PDE8A: variants seen among roughly 807,000 people sequenced by gnomAD.
PDE8A encodes the protein phosphodiesterase 8A.
Under a neutral mutation model 105.0 loss-of-function variants are expected in PDE8A, and 59 were observed. The ratio of observed to expected loss-of-function variants is 0.56; its 90% CI spans 0.46 to 0.70. PDE8A has a LOEUF of 0.70. Among genes scored for constraint, PDE8A ranks in the 30% least tolerant of loss-of-function variants. The probability of loss-of-function intolerance (pLI) is 0.00; values close to 1 mark genes in which losing one functional copy is unlikely to be tolerated. For missense variants in PDE8A, 1,014 were observed against 1,045.9 expected (o/e 0.97, Z 0.42); for synonymous variants, 355 against 371.9 (o/e 0.95, Z 0.52).
chr15:85,001,435 A>C (rs1046903022), intron 1 of PDE8A, among the ~76,000 whole-genome samples: 1 of 152,238 alleles, frequency 6.6e-6, no homozygotes, highest in Admixed American at 6.5e-5. Flanking sequence ...AAAGTCATGC[A>C]TGCTCAGAGG....
At chr15:84,991,549 G>A (rs1001899239) in intron 1 of PDE8A, among the ~76,000 whole-genome samples, 1 of 152,186 alleles carries the variant, frequency 6.6e-6, no homozygotes, top group Non-Finnish European at 1.5e-5. Flanking sequence ...CATTGTCATT[G>A]CCAGGTAGAG....
In PDE8A at chr15:85,047,167, C is replaced by T. The variant is rs1486020691; in HGVS notation, c.187-17203C>T. Among the ~76,000 whole-genome samples, 5 of 151,938 alleles carry T rather than the reference C, an allele frequency of 3.3e-5. No individual in the cohort carries two copies. The East Asian group carries it at 5.8e-4, about 18-fold the overall frequency. On this transcript the variant is annotated intron_variant, in intron 1 of 21. Transcript: ENST00000394553. ...TTAAATTTATTTGAAATGATTATTC[C>T]CTTGTAAATATTAATGTGAAAAATA...
chr15:85,086,509 GA>G (rs1490633937), intron 6 of PDE8A, among the ~76,000 whole-genome samples: 1 of 152,060 alleles, frequency 6.6e-6, no homozygotes, highest in Non-Finnish European at 1.5e-5. Flanking sequence ...TTAAAAATTA[GA>G]AAAATATTAA....
chr15:85,126,013 A>C (rs2082252773), intron 19 of PDE8A, among the ~76,000 whole-genome samples, 194 bp from the exon 20 acceptor site: 1 of 152,038 alleles, frequency 6.6e-6, no homozygotes, highest in Admixed American at 6.6e-5. Flanking sequence ...TTGCAATCTC[A>C]CTGAGCCTCG....
At chr15:85,090,641 G>T in intron 7 of PDE8A, 1 of 340,990 alleles carries the variant, frequency 2.9e-6, no homozygotes, top group South Asian at 2.2e-5. Flanking sequence ...TGTGGAGGGG[G>T]AGGACAGCCT....
Position 84,982,131 on chromosome 15 carries a change from C to CCCGCCAGCGTGTCCGCGGCGCCG in PDE8A, c.-23_-1dup. 11 of 1,280,484 alleles carry CCCGCCAGCGTGTCCGCGGCGCCG rather than the reference C, an allele frequency of 8.6e-6. No individual in the cohort carries two copies. The highest frequency in any genetic ancestry group is 1.1e-5 in the Non-Finnish European group (11 of 1,015,528). 79.3% of individuals were successfully genotyped at this position (1,280,484 alleles called of 1,614,324 possible). A position where few individuals can be genotyped will look rare whatever the true frequency, so the allele number is the denominator to read the frequency against. ...CCGTTTGCTGACCGGATCGCGGCTA[C>CCCGCCAGCGTGTCCGCGGCGCCG]CCGCCAGCGTGTCCGCGGCGCCGCC... On this transcript the variant is annotated 5_prime_UTR_variant, in exon 1 of 22. Transcript: ENST00000394553.
chr15:85,065,478 A>G (rs1043752822), intron 2 of PDE8A, among the ~76,000 whole-genome samples: 1 of 133,784 alleles, frequency 7.5e-6, no homozygotes, highest in Non-Finnish European at 1.6e-5. Flanking sequence ...AACTTAAAGT[A>G]TAATTAAAAA....
intron 19 of PDE8A, among the ~76,000 whole-genome samples, chr15:85,124,502 G>T (rs192468238): frequency 7.2e-5 from 11 of 152,158 alleles, no homozygotes; most frequent in African/African-American, 2.6e-4. Context: ...ACTTATCCTC[G>T]CAGGCTAGGA....
At chr15:85,117,911 T>C (rs559070139) in intron 17 of PDE8A, 72 bp downstream of exon 17, 2 of 1,182,816 alleles carry the variant, frequency 1.7e-6, no homozygotes, top group South Asian at 2.4e-5. Context: ...CTGCCTCCAC[T>C]AAGATACATA....
chr15:85,083,846 C>T (rs1024963127), intron 6 of PDE8A, among the ~76,000 whole-genome samples: 39 of 152,302 alleles, frequency 2.6e-4, no homozygotes, highest in African/African-American at 8.9e-4. Flanking sequence ...TAGAGACTCA[C>T]ATTTAAAGAT....
chr15:85,129,463 G>C (rs73452388), intron 20 of PDE8A, among the ~76,000 whole-genome samples: 13,428 of 152,148 alleles, frequency 0.088, 1,638 homozygotes, highest in African/African-American at 0.28. Flanking sequence ...AGTCCTGGTA[G>C]GTTGCATGTT....
chr15:85,060,694 A>T (rs990388697), intron 1 of PDE8A, among the ~76,000 whole-genome samples: 12 of 152,234 alleles, frequency 7.9e-5, no homozygotes, highest in African/African-American at 2.9e-4. Context: ...TCTCTTATTT[A>T]GGAAATAAAA....
Position 85,116,026 on chromosome 15 carries a change from TTGA to T in PDE8A, c.1448_1450del (p.Asp483del). Reference sequence around the variant, plus strand: ...AGCAATATAATCACTCCCATCTCCCTTGATGATGTCCCACCACGGATAGCTCGG... The same window carrying T: ...AGCAATATAATCACTCCCATCTCCCTTGATGTCCCACCACGGATAGCTCGG... On this transcript the variant is annotated inframe_deletion, in exon 16 of 22. Transcript: ENST00000394553. 3 of 1,613,384 alleles carry T rather than the reference TTGA, an allele frequency of 1.9e-6. No homozygotes were observed. Among genetic ancestry groups the T allele is most frequent in the South Asian group, 1.1e-5 (1 of 91,070 alleles).
At chr15:85,042,712 C>G (rs2080829428) in intron 1 of PDE8A, among the ~76,000 whole-genome samples, 1 of 152,172 alleles carries the variant, frequency 6.6e-6, no homozygotes, top group Admixed American at 6.5e-5. Context: ...TGTGCATCCA[C>G]TTCCAGTAGT....
At chr15:85,107,246 C>T (rs35204319) in intron 11 of PDE8A, among the ~76,000 whole-genome samples, 21,300 of 152,022 alleles carry the variant, frequency 0.14, 1,913 homozygotes, top group Middle Eastern at 0.24. Flanking sequence ...GTTTGGGAGG[C>T]AAATTAACAA....
intron 1 of PDE8A, among the ~76,000 whole-genome samples, chr15:85,042,390 C>A (rs55728176): frequency 6.6e-6 from 1 of 152,032 alleles, no homozygotes; most frequent in South Asian, 2.1e-4. Context: ...AACTCCTGGG[C>A]TCAAGTGATG....
chr15:85,071,965 G>A (rs2081317575), intron 3 of PDE8A, among the ~76,000 whole-genome samples: 1 of 152,180 alleles, frequency 6.6e-6, no homozygotes, highest in South Asian at 2.1e-4. Context: ...TGCAACAGGA[G>A]TAGGTCTCTG....
At chr15:85,054,297 C>G (rs1331790045) in intron 1 of PDE8A, among the ~76,000 whole-genome samples, 1 of 152,154 alleles carries the variant, frequency 6.6e-6, no homozygotes, top group Non-Finnish European at 1.5e-5. Context: ...TGTTGTGTCT[C>G]TGCCAGGCTT....
intron 1 of PDE8A, among the ~76,000 whole-genome samples, chr15:85,006,903 C>T (rs2080157063): frequency 6.6e-6 from 1 of 152,068 alleles, no homozygotes. Context: ...CTAGTCCCTA[C>T]GAAGAGGAGA....
Sources: allele counts gnomAD v4.1 joint callset (sites outside exome capture counted in the v4.1 genomes callset), GRCh38; gene constraint gnomAD v4.1.1; transcripts MANE v1.5; gene names NCBI Gene and HGNC (gene_info 2026-07-23, HGNC 2026-07-21).